Variants in ANKS1B observed in about 807,000 individuals in gnomAD.
ANKS1B encodes the protein ankyrin repeat and sterile alpha motif domain containing 1B.
In ANKS1B, 36 loss-of-function variants were observed where a neutral mutation model predicts 148.3. That is an observed-to-expected ratio of 0.24 (90% CI 0.19 to 0.32). The LOEUF is 0.32. Ranked by LOEUF, ANKS1B falls within the 10% of genes least tolerant of loss-of-function variation. The pLI is 1.00. For synonymous variants in ANKS1B, 542 were observed against 560.8 expected, an observed-to-expected ratio of 0.97 and a Z score of 0.47; for missense variants, 1,157 against 1,542.6, an observed-to-expected ratio of 0.75 and a Z score of 4.19.
chr12:99,867,151 A>C (rs7136537), intron 1 of ANKS1B, among the ~76,000 whole-genome samples: 94,580 of 151,988 alleles, frequency 0.62, 31,050 homozygotes, highest in African/African-American at 0.78. Flanking sequence ...TAATTTGTAG[A>C]CTATAAAATG....
At chr12:98,985,747 C>T (rs1303131873) in intron 17 of ANKS1B, among the ~76,000 whole-genome samples, 1 of 152,052 alleles carries the variant, frequency 6.6e-6, no homozygotes, top group African/African-American at 2.4e-5. Context: ...TTTCTTTAGA[C>T]ATTCAATTAT....
chr12:99,691,326 C>A (rs929091488), intron 8 of ANKS1B, among the ~76,000 whole-genome samples: 6 of 152,220 alleles, frequency 3.9e-5, no homozygotes, highest in Non-Finnish European at 8.8e-5. Flanking sequence ...CTCCTCACTA[C>A]GTATGCAAAT....
At chr12:98,942,263 G>T (rs2099838113) in intron 17 of ANKS1B, among the ~76,000 whole-genome samples, 1 of 151,746 alleles carries the variant, frequency 6.6e-6, no homozygotes, top group Non-Finnish European at 1.5e-5. Flanking sequence ...GGGAGCGGGG[G>T]GAGGGGGAAG....
chr12:99,260,217 A>G (rs1398506895), intron 12 of ANKS1B, among the ~76,000 whole-genome samples: 1 of 152,250 alleles, frequency 6.6e-6, no homozygotes, highest in Non-Finnish European at 1.5e-5. Context: ...TAAAACAAAA[A>G]AAGATCTACG....
chr12:99,388,379 T>C (rs573320201), intron 12 of ANKS1B, among the ~76,000 whole-genome samples: 1 of 152,284 alleles, frequency 6.6e-6, no homozygotes, highest in African/African-American at 2.4e-5. Context: ...AGTGGTTAAG[T>C]TGAGCTTGGG....
chr12:99,885,444 G>C (rs1281646331), intron 1 of ANKS1B, among the ~76,000 whole-genome samples: 1 of 151,772 alleles, frequency 6.6e-6, no homozygotes, highest in African/African-American at 2.4e-5. Flanking sequence ...GGGACTATAG[G>C]CACCTGCTAC....
intron 12 of ANKS1B, among the ~76,000 whole-genome samples, chr12:99,382,412 G>GA (rs1198584124): frequency 1.1e-4 from 16 of 152,018 alleles, no homozygotes; most frequent in African/African-American, 3.9e-4. Flanking sequence ...TTCTGGAAAG[G>GA]AAAAAAAGAA....
intron 10 of ANKS1B, among the ~76,000 whole-genome samples, chr12:99,494,830 A>C (rs2096588839): frequency 6.6e-6 from 1 of 151,872 alleles, no homozygotes; most frequent in Admixed American, 6.6e-5. Context: ...GACCTGGCGC[A>C]TAGAAGATGG....
chr12:99,556,995 CT>C (rs1261323225), intron 9 of ANKS1B, among the ~76,000 whole-genome samples: 1 of 152,192 alleles, frequency 6.6e-6, no homozygotes, highest in African/African-American at 2.4e-5. Flanking sequence ...TCCCAAATAT[CT>C]TTGTTAGTTT....
intron 1 of ANKS1B, among the ~76,000 whole-genome samples, chr12:99,894,229 G>T (rs1382198503): frequency 2.9e-4 from 39 of 135,810 alleles, no homozygotes; most frequent in Non-Finnish European, 1.6e-5. Flanking sequence ...GACCAGCTTG[G>T]GCAACATAGG....
intron 10 of ANKS1B, among the ~76,000 whole-genome samples, chr12:99,483,837 G>C (rs1043841543): frequency 2.6e-5 from 4 of 151,910 alleles, no homozygotes; most frequent in African/African-American, 9.7e-5. Flanking sequence ...TGTGGTATTG[G>C]TTGTAATGTA....
At chr12:98,967,638 A>AGGGGAGGGAAGGGGAGGGGG in intron 17 of ANKS1B, among the ~76,000 whole-genome samples, 1 of 38,840 alleles carries the variant, frequency 2.6e-5, no homozygotes, top group African/African-American at 1.1e-4. Context: ...AGAAGAGGGG[A>AGGGGAGGGAAGGGGAGGGGG]GGGGAGGGAA....
At chr12:98,878,554 C>A (rs1596080411) in intron 17 of ANKS1B, among the ~76,000 whole-genome samples, 1 of 152,114 alleles carries the variant, frequency 6.6e-6, no homozygotes, top group Non-Finnish European at 1.5e-5. Context: ...TTTGTTTGTT[C>A]AATTCCTAAC....
chr12:99,562,207 TCATC>T (rs1467266248), intron 9 of ANKS1B, among the ~76,000 whole-genome samples: 1 of 152,238 alleles, frequency 6.6e-6, no homozygotes, highest in Non-Finnish European at 1.5e-5. Flanking sequence ...TGATGTGCTT[TCATC>T]CACCCAGGCT....
At chr12:99,237,519 G>A (rs1332310287) in intron 14 of ANKS1B, among the ~76,000 whole-genome samples, 2 of 152,098 alleles carry the variant, frequency 1.3e-5, no homozygotes, top group South Asian at 2.1e-4. Flanking sequence ...CTTAGTAAGA[G>A]TAATATATAA....
At chr12:98,834,257 C>T (rs900028524) in intron 17 of ANKS1B, among the ~76,000 whole-genome samples, 6 of 152,240 alleles carry the variant, frequency 3.9e-5, no homozygotes, top group Admixed American at 3.9e-4. Flanking sequence ...TCAGGACTTT[C>T]TCCTACCCTA....
intron 25 of ANKS1B, among the ~76,000 whole-genome samples, chr12:98,759,565 C>A (rs1286073271): frequency 1.3e-5 from 2 of 152,118 alleles, no homozygotes; most frequent in African/African-American, 2.4e-5. Flanking sequence ...CTCTAGCCAC[C>A]AAGGTAATTA....
At chr12:99,061,762 C>T (rs1435319937) in intron 16 of ANKS1B, among the ~76,000 whole-genome samples, 2 of 152,096 alleles carry the variant, frequency 1.3e-5, no homozygotes, top group African/African-American at 4.8e-5. Context: ...TAAATGAAGC[C>T]TGTACTTCCA....
intron 14 of ANKS1B, among the ~76,000 whole-genome samples, chr12:99,203,536 C>T (rs544542511): frequency 5.9e-5 from 9 of 151,870 alleles, no homozygotes; most frequent in East Asian, 5.8e-4. Context: ...CTGCAAGCTC[C>T]GCCCTCCGGG....
Sources: gnomAD v4.1 joint callset for allele counts (sites outside exome capture counted in the v4.1 genomes callset) on GRCh38, gnomAD v4.1.1 for gene constraint, MANE v1.5 for transcripts, NCBI Gene and HGNC (gene_info 2026-07-23, HGNC 2026-07-21) for gene names.